The following IL6 variants were observed in gnomAD, a reference collection of about 807,000 sequenced individuals.
IL6 encodes interleukin-6.
IL6 carries 5 observed loss-of-function variants against 18.0 expected under a neutral mutation model. The ratio of observed to expected loss-of-function variants is 0.28; its 90% CI spans 0.15 to 0.58. IL6 has a LOEUF of 0.58. Ranked by LOEUF, IL6 falls within the 20% of genes least tolerant of loss-of-function variation. The pLI, the probability that IL6 is intolerant of heterozygous loss-of-function variation, is 0.90. For synonymous variants in IL6, 97 were observed against 95.1 expected (o/e 1.02, Z -0.12); for missense variants, 266 against 251.0 (o/e 1.06, Z -0.40).
In IL6 at chr7:22,731,687, T is replaced by C; in HGVS notation, c.*114T>C. The C allele has an allele frequency of 1.9e-6, 1 of 520,586 alleles. No individual in the cohort carries two copies. The allele number at this position is 520,586 out of a possible 1,614,324, so 32.2% of individuals were successfully genotyped here. On this transcript the variant is annotated 3_prime_UTR_variant, in exon 5 of 5. Coordinates refer to ENST00000258743, the MANE Select transcript of IL6 (RefSeq NM_000600.5). Reference sequence around the variant, plus strand: ...TATGGAGAACTAAAAGTATGAGCGTTAGGACACTATTTTAATTATTTTTAA... The same window carrying C: ...TATGGAGAACTAAAAGTATGAGCGTCAGGACACTATTTTAATTATTTTTAA...
At chr7:22,730,309 A>G (rs1315230132) in intron 4 of IL6, 1 of 983,590 alleles carries the variant, frequency 1.0e-6, no homozygotes, top group Admixed American at 6.1e-5. Flanking sequence ...GGTTTCTCAT[A>G]TGTTAACATG....
intron 2 of IL6, 63 bp from the exon 3 acceptor site, chr7:22,728,630 G>T (rs2066992): frequency 0.12 from 107,157 of 893,316 alleles, 18,824 homozygotes; most frequent in East Asian, 0.76. Flanking sequence ...CAATGAAAAG[G>T]CCCTCTAGTG....
chr7:22,729,894 A>T, intron 4 of IL6: 1 of 1,422,890 alleles, frequency 7.0e-7, no homozygotes. Flanking sequence ...ATATTAACTG[A>T]GGTGGATTTT....
chr7:22,729,017 T>G (rs1323954956), intron 3 of IL6, among the ~76,000 whole-genome samples: 1 of 152,224 alleles, frequency 6.6e-6, no homozygotes, highest in Non-Finnish European at 1.5e-5. Flanking sequence ...GCCACTGTGG[T>G]GAGATTTTAA....
intron 2 of IL6, 79 bp downstream of exon 2, chr7:22,727,713 C>A: frequency 6.8e-7 from 1 of 1,470,186 alleles, no homozygotes. Context: ...CGGGGGCTGC[C>A]TGCATTAGGA....
intron 2 of IL6, 79 bp from the exon 3 acceptor site, chr7:22,728,614 G>T: frequency 1.2e-6 from 1 of 823,214 alleles, no homozygotes; most frequent in Admixed American, 1.9e-5. Flanking sequence ...CCTGGCTGTG[G>T]TTGAACAATG....
chr7:22,727,781 G>A lies in IL6; in HGVS notation c.210+147G>A, dbSNP rs1307806899. ...TGAGGCCAACGGGGCCGACTAGACT[G>A]ACTTCTGTATTTATCCTTTGCTGGT... On this transcript the variant is annotated intron_variant, in intron 2 of 4. Coordinates refer to ENST00000258743, the MANE Select transcript of IL6 (RefSeq NM_000600.5). 3 of 812,030 alleles carry A rather than the reference G, an allele frequency of 3.7e-6. No individual in the cohort carries two copies. The East Asian group carries it at 8.7e-5, about 24-fold the overall frequency. 50.3% of individuals were successfully genotyped at this position (812,030 alleles called of 1,614,324 possible). A position where few individuals can be genotyped will look rare whatever the true frequency, so the allele number is the denominator to read the frequency against.
chr7:22,729,692 TGGG>T, intron 4 of IL6, 32 bp downstream of exon 4: 1 of 1,614,056 alleles, frequency 6.2e-7, no homozygotes, highest in South Asian at 1.1e-5. Flanking sequence ...CAACTTGGTG[TGGG>T]GGAAGACAGG....
chr7:22,728,276 C>G (rs1171526777), intron 2 of IL6, among the ~76,000 whole-genome samples: 2 of 152,174 alleles, frequency 1.3e-5, no homozygotes, highest in African/African-American at 4.8e-5. Flanking sequence ...TGGACTCCAT[C>G]AGTAAAATTG....
chr7:22,727,568 C>T lies in IL6; in HGVS notation c.144C>T (p.Thr48=). Reference sequence around the variant, plus strand: ...CCGCCCCACACAGACAGCCACTCACCTCTTCAGAACGAATTGACAAACAAA... The same window carrying T: ...CCGCCCCACACAGACAGCCACTCACTTCTTCAGAACGAATTGACAAACAAA... ...DVAAPHRQPL[T]SSERIDKQIR... is the part of the protein sequence containing the mutation. Residue 48 remains threonine (T), a synonymous_variant, in exon 2 of 5, where the codon ACC becomes ACT. Transcript: ENST00000258743. 1 of 1,596,224 alleles carries T rather than the reference C, an allele frequency of 6.3e-7. No individual in the cohort carries two copies.
In IL6 at chr7:22,731,548, G is replaced by A. The variant is rs1258419635; in HGVS notation, c.614G>A (p.Ser205Asn). The A allele has an allele frequency of 6.2e-7, 1 of 1,603,390 alleles. No homozygotes were observed. The highest frequency in any genetic ancestry group is 1.1e-5 in the South Asian group (1 of 89,898). Residue 205 changes from serine (S) to asparagine (N), a missense_variant, in exon 5 of 5, where the codon AGC becomes AAC. Physicochemically the swap from Ser to Asn is conservative, Grantham distance 46. Coordinates refer to ENST00000258743, the MANE Select transcript of IL6 (RefSeq NM_000600.5). ...LRSFKEFLQSSLRALRQM is the reference protein window; with the variant it reads ...LRSFKEFLQSNLRALRQM ...AGCTTTAAGGAGTTCCTGCAGTCCA[G>A]CCTGAGGGCTCTTCGGCAAATGTAG...
In IL6 at chr7:22,730,914, T is replaced by C. The variant is rs55912024; in HGVS notation, c.472-492T>C. On this transcript the variant is annotated intron_variant, in intron 4 of 4. Transcript: ENST00000258743. Reference sequence around the variant, plus strand: ...TTCCCTCAGGATGCTTGTGGTCTAATGGGAGACAGAACAGCAAAGGGATGA... The same window carrying C: ...TTCCCTCAGGATGCTTGTGGTCTAACGGGAGACAGAACAGCAAAGGGATGA... Among the ~76,000 whole-genome samples the C allele has an allele frequency of 4.1e-4, 62 of 152,104 alleles. No individual in the cohort carries two copies. In the Middle Eastern group the frequency reaches 0.01, roughly 25 times the overall value.
chr7:22,731,602 T>A lies in IL6; in HGVS notation c.*29T>A. 1 of 1,535,530 alleles carries A rather than the reference T, an allele frequency of 6.5e-7. No individual in the cohort carries two copies. Among genetic ancestry groups the A allele is most frequent in the Non-Finnish European group, 8.9e-7 (1 of 1,128,852 alleles). ...GGGCACCTCAGATTGTTGTTGTTAATGGGCATTCCTTCTTCTGGTCAGAAA... is the reference window on the plus strand; with the variant it reads ...GGGCACCTCAGATTGTTGTTGTTAAAGGGCATTCCTTCTTCTGGTCAGAAA... On this transcript the variant is annotated 3_prime_UTR_variant, in exon 5 of 5. Transcript: ENST00000258743.
At chr7:22,727,695 C>T in intron 2 of IL6, 61 bp downstream of exon 2, 9 of 1,508,910 alleles carry the variant, frequency 6.0e-6, no homozygotes, top group Non-Finnish European at 7.1e-6. Context: ...CTTGCCCCTG[C>T]GTGTGGCCGG....
chr7:22,729,773 A>G, intron 4 of IL6, 113 bp downstream of exon 4: 1 of 1,576,454 alleles, frequency 6.3e-7, no homozygotes, highest in South Asian at 1.1e-5. Context: ...CTACACGTAA[A>G]CAAAAGAGTC....
At chr7:22,727,749 G>A (rs1204258917) in intron 2 of IL6, 115 bp downstream of exon 2, 17 of 1,197,188 alleles carry the variant, frequency 1.4e-5, no homozygotes, top group Non-Finnish European at 1.8e-5. Flanking sequence ...CTAGAGCACT[G>A]TAGATTTGAG....
At position 22,731,643 on chromosome 7, in the gene IL6, C is replaced by T; in HGVS notation, c.*70C>T. 8.2e-7 allele frequency: 1 copy of T among 1,221,194 alleles called. No homozygotes were observed. Among genetic ancestry groups the T allele is most frequent in the African/African-American group, 1.5e-5 (1 of 66,770 alleles). The allele number at this position is 1,221,194 out of a possible 1,614,324, so 75.6% of individuals were successfully genotyped here. A position where few individuals can be genotyped will look rare whatever the true frequency, so the allele number is the denominator to read the frequency against. ...TGGTCAGAAACCTGTCCACTGGGCA[C>T]AGAACTTATGTTGTTCTCTATGGAG... On this transcript the variant is annotated 3_prime_UTR_variant, in exon 5 of 5. Coordinates refer to ENST00000258743, the MANE Select transcript of IL6 (RefSeq NM_000600.5).
chr7:22,727,287 T>C lies in IL6; in HGVS notation c.19+6T>C. The stretch of plus-strand genomic sequence containing the variant: ...TATGAACTCCTTCTCCACAAGTAAG[T>C]GCAGGAAATCCTTAGCCCTGGAACT... On this transcript the variant is annotated splice_donor_region_variant and intron_variant, in intron 1 of 4. Transcript: ENST00000258743. The C allele has an allele frequency of 6.2e-7, 1 of 1,613,872 alleles. No individual in the cohort carries two copies. The highest frequency in any genetic ancestry group is 8.5e-7 in the Non-Finnish European group (1 of 1,179,996).
At position 22,731,444 on chromosome 7, in the gene IL6, C is replaced by A; in HGVS notation, c.510C>A (p.Thr170=). The change falls in exon 5 of 5, where the codon ACC becomes ACA. Residue 170 remains threonine, a synonymous_variant. Transcript: ENST00000258743. ...ATGCAATAACCACCCCTGACCCAAC[C>A]ACAAATGCCAGCCTGCTGACGAAGC... ...NLDAITTPDP[T]TNASLLTKLQ... is the part of the protein sequence containing the mutation. 2 of 1,605,572 alleles carry A rather than the reference C, an allele frequency of 1.2e-6. No homozygotes were observed. The highest frequency in any genetic ancestry group is 1.7e-6 in the Non-Finnish European group (2 of 1,174,074).
Sources: gnomAD v4.1 joint callset for allele counts (sites outside exome capture counted in the v4.1 genomes callset) on GRCh38, gnomAD v4.1.1 for gene constraint, MANE v1.5 for transcripts, NCBI Gene and HGNC (gene_info 2026-07-23, HGNC 2026-07-21) for gene names.